The following CEP70 variants were observed in gnomAD, a reference collection of about 807,000 sequenced individuals.
CEP70 encodes the protein centrosomal protein of 70 kDa.
In CEP70, 70 loss-of-function variants were observed where a neutral mutation model predicts 90.9. That is an observed-to-expected ratio of 0.77 (90% confidence interval 0.64 to 0.94). The LOEUF (loss-of-function observed/expected upper bound fraction) is 0.94. CEP70 is among the 40% of genes least tolerant of loss of function. CEP70 has a pLI of 0.00. For missense variants in CEP70, 648 were observed against 669.0 expected, an observed-to-expected ratio of 0.97 and a Z score of 0.35; for synonymous variants, 220 against 228.3, an observed-to-expected ratio of 0.96 and a Z score of 0.33.
In CEP70 at chr3:138,500,890, C is replaced by CA; in HGVS notation, c.1222-10dup. 7.0e-7 allele frequency: 1 copy of CA among 1,428,720 alleles called. No individual in the cohort carries two copies. The highest frequency in any genetic ancestry group is 9.4e-7 in the Non-Finnish European group (1 of 1,062,894). 88.5% of individuals were successfully genotyped at this position (1,428,720 alleles called of 1,614,324 possible). On this transcript the variant is annotated splice_polypyrimidine_tract_variant and intron_variant, in intron 13 of 17. Coordinates refer to ENST00000264982, the MANE Select transcript of CEP70 (RefSeq NM_024491.4). Reference sequence around the variant, plus strand: ...AAGGACTTATACAAATCCTTTATAACAAAAGAAACTATATGGTATTATTGA... The same window carrying CA: ...AAGGACTTATACAAATCCTTTATAACAAAAAGAAACTATATGGTATTATTGA...
intron 16 of CEP70, among the ~76,000 whole-genome samples, chr3:138,499,113 G>A (rs2034237066): frequency 6.6e-6 from 1 of 151,960 alleles, no homozygotes; most frequent in Non-Finnish European, 1.5e-5. Flanking sequence ...GGAAGAAATA[G>A]GCCAATAGCA....
At chr3:138,522,001 C>G (rs71515916) in intron 11 of CEP70, among the ~76,000 whole-genome samples, 1 of 152,222 alleles carries the variant, frequency 6.6e-6, no homozygotes. Flanking sequence ...CCCTTGCTCT[C>G]TGAAACGTGC....
intron 2 of CEP70, among the ~76,000 whole-genome samples, chr3:138,585,333 C>G (rs2042057147): frequency 6.6e-6 from 1 of 152,000 alleles, no homozygotes; most frequent in African/African-American, 2.4e-5. Context: ...ATTAACTGAA[C>G]CAATGAAGTA....
chr3:138,496,658 TACTC>T (rs1248021672), intron 17 of CEP70: 1 of 985,256 alleles, frequency 1.0e-6, no homozygotes, highest in Non-Finnish European at 1.2e-6. Context: ...CCATGTCTGT[TACTC>T]AGTATGCCAC....
At chr3:138,560,533 C>G (rs1000162696) in intron 6 of CEP70, among the ~76,000 whole-genome samples, 1 of 151,758 alleles carries the variant, frequency 6.6e-6, no homozygotes, top group African/African-American at 2.4e-5. Context: ...ACCGTTTGCT[C>G]CCCTGGAAAG....
intron 11 of CEP70, among the ~76,000 whole-genome samples, chr3:138,524,698 T>C (rs1020410709): frequency 2.0e-5 from 3 of 151,994 alleles, no homozygotes; most frequent in Non-Finnish European, 4.4e-5. Context: ...GAAATGCAAA[T>C]CAAAACCACA....
intron 2 of CEP70, among the ~76,000 whole-genome samples, chr3:138,588,976 A>G (rs1052367109): frequency 6.6e-6 from 1 of 152,260 alleles, no homozygotes; most frequent in African/African-American, 2.4e-5. Context: ...AGTACATACT[A>G]TAACATTCCA....
rs1311484376 is a variant in CEP70, at chr3:138,529,235, C to T, written c.833G>A (p.Ser278Asn). 1 of 1,608,692 alleles carries T rather than the reference C, an allele frequency of 6.2e-7. No individual in the cohort carries two copies. Among genetic ancestry groups the T allele is most frequent in the Admixed American group, 1.7e-5 (1 of 59,420 alleles). The change falls in exon 10 of 18, where the codon AGT becomes AAT. Residue 278 changes from serine (S) to asparagine (N), a missense_variant. By Grantham distance (46) the Ser-to-Asn change is conservative. Coordinates refer to ENST00000264982, the MANE Select transcript of CEP70 (RefSeq NM_024491.4). ...ESKSKIDALS[S>N]EKLNLQKDLE... The stretch of plus-strand genomic sequence containing the variant: ...ATCTTTTTGGAGGTTCAGCTTTTCA[C>T]TTGAAAGTGCATCAATCTTAGATTT...
intron 10 of CEP70, among the ~76,000 whole-genome samples, chr3:138,528,044 AGTTT>A (rs1456725290): frequency 1.3e-5 from 2 of 149,816 alleles, no homozygotes; most frequent in African/African-American, 2.5e-5. Context: ...ATCTATTTGA[AGTTT>A]TTTTTTTTTT....
At chr3:138,555,862 A>G (rs2039968893) in intron 6 of CEP70, among the ~76,000 whole-genome samples, 1 of 152,228 alleles carries the variant, frequency 6.6e-6, no homozygotes, top group African/African-American at 2.4e-5. Flanking sequence ...GTGGAGATTC[A>G]TTAAAGAACT....
At chr3:138,593,792 C>T (rs2042512568) in intron 1 of CEP70, 1 of 152,196 alleles carries the variant, frequency 6.6e-6, no homozygotes, top group Non-Finnish European at 1.5e-5. Context: ...ACAAAACTAG[C>T]GCTTCAGCCC....
intron 11 of CEP70, among the ~76,000 whole-genome samples, chr3:138,509,002 G>A (rs1232617197): frequency 6.6e-6 from 1 of 152,040 alleles, no homozygotes; most frequent in African/African-American, 2.4e-5. Context: ...CAAAGTGTTG[G>A]GATTACAGGC....
At chr3:138,582,798 G>A (rs2041933691) in intron 2 of CEP70, among the ~76,000 whole-genome samples, 1 of 151,554 alleles carries the variant, frequency 6.6e-6, no homozygotes, top group Non-Finnish European at 1.5e-5. Context: ...ATAAGATAAT[G>A]GATTATAAGA....
chr3:138,497,232 A>G (rs1032317811), intron 17 of CEP70: 1 of 1,248,254 alleles, frequency 8.0e-7, no homozygotes, highest in Non-Finnish European at 1.0e-6. Context: ...CTAATTAGAT[A>G]CTTCTTTCAC....
chr3:138,495,131 T>G, intron 17 of CEP70, 55 bp from the exon 18 acceptor site: 1 of 1,074,550 alleles, frequency 9.3e-7, no homozygotes, highest in Non-Finnish European at 1.4e-6. Context: ...AGTGGTAAAC[T>G]CACATGAAAC....
At chr3:138,535,912 C>T (rs1358764161) in intron 7 of CEP70, among the ~76,000 whole-genome samples, 1 of 152,034 alleles carries the variant, frequency 6.6e-6, no homozygotes, top group Non-Finnish European at 1.5e-5. Flanking sequence ...CTCTCACTAA[C>T]ATTTTTATGT....
Position 138,500,889 on chromosome 3 carries a change from A to G in CEP70, c.1222-8T>C. 1 of 1,430,894 alleles carries G rather than the reference A, an allele frequency of 7.0e-7. No individual in the cohort carries two copies. The highest frequency in any genetic ancestry group is 9.4e-7 in the Non-Finnish European group (1 of 1,063,450). 88.6% of individuals were successfully genotyped at this position (1,430,894 alleles called of 1,614,324 possible). Reference sequence around the variant, plus strand: ...CAAGGACTTATACAAATCCTTTATAACAAAAGAAACTATATGGTATTATTG... The same window carrying G: ...CAAGGACTTATACAAATCCTTTATAGCAAAAGAAACTATATGGTATTATTG... On this transcript the variant is annotated splice_region_variant and splice_polypyrimidine_tract_variant and intron_variant, in intron 13 of 17. Transcript: ENST00000264982.
chr3:138,497,490 T>C, intron 17 of CEP70: 1 of 970,710 alleles, frequency 1.0e-6, no homozygotes, highest in Non-Finnish European at 1.2e-6. Flanking sequence ...TTTTGCCTTA[T>C]GAGTCCTAAG....
At chr3:138,506,314 G>A (rs575763551) in intron 12 of CEP70, among the ~76,000 whole-genome samples, 2 of 152,222 alleles carry the variant, frequency 1.3e-5, no homozygotes, top group South Asian at 4.2e-4. Flanking sequence ...ATGCACTTCA[G>A]CCTGGGCAAC....
Sources: gnomAD v4.1 joint callset for allele counts (sites outside exome capture counted in the v4.1 genomes callset) on GRCh38, gnomAD v4.1.1 for gene constraint, MANE v1.5 for transcripts, NCBI Gene and HGNC (gene_info 2026-07-23, HGNC 2026-07-21) for gene names.